Variants in SH2D3C observed in about 807,000 individuals in gnomAD.
SH2D3C encodes the protein SH2 domain containing 3C, also known as SH2 domain-containing protein 3C.
SH2D3C carries 25 observed loss-of-function variants against 75.2 expected under a neutral mutation model. The ratio of observed to expected loss-of-function variants is 0.33; its 90% CI spans 0.24 to 0.46. SH2D3C has a LOEUF of 0.46. Among genes scored for constraint, SH2D3C ranks in the 20% least tolerant of loss-of-function variants. SH2D3C has a pLI of 1.00. For missense variants in SH2D3C, 933 were observed against 1,165.3 expected, an observed-to-expected ratio of 0.80 and a Z score of 2.90; for synonymous variants, 450 against 473.7, an observed-to-expected ratio of 0.95 and a Z score of 0.65.
At chr9:127,771,309 C>CA (rs1365320902) in intron 2 of SH2D3C, 7 of 1,476,878 alleles carry the variant, frequency 4.7e-6, no homozygotes, top group Non-Finnish European at 6.3e-6. Flanking sequence ...CACTGAGCTG[C>CA]AGAGCTCAGT....
At chr9:127,773,283 G>A (rs987386331) in intron 2 of SH2D3C, among the ~76,000 whole-genome samples, 1 of 152,148 alleles carries the variant, frequency 6.6e-6, no homozygotes, top group Non-Finnish European at 1.5e-5. Flanking sequence ...CTAGGTGGAG[G>A]TATTGTCCAG....
At position 127,751,111 on chromosome 9, in the gene SH2D3C, G is replaced by A; in HGVS notation, c.684+61C>T. On this transcript the variant is annotated intron_variant, in intron 4 of 11. Coordinates refer to ENST00000314830, the MANE Select transcript of SH2D3C (RefSeq NM_170600.3). This position sits in a 1 kb window ranked among gnomAD's most constrained non-coding sequence, Gnocchi z 4.1. ...CCCAGGTGGCTGCAGCCAGGGCTGG[G>A]GCTGGCCAAGGCAGTGGGTGGGAGG... 1 of 1,576,298 alleles carries A rather than the reference G, an allele frequency of 6.3e-7. No homozygotes were observed. Among genetic ancestry groups the A allele is most frequent in the Non-Finnish European group, 8.7e-7 (1 of 1,151,512 alleles).
intron 3 of SH2D3C, chr9:127,755,017 C>G (rs1845329557): frequency 7.2e-6 from 6 of 828,978 alleles, no homozygotes; most frequent in Non-Finnish European, 7.7e-6. Context: ...TCTAGGGCCC[C>G]GGGCGGAGCG....
At chr9:127,757,103 AT>A (rs1169901282) in intron 3 of SH2D3C, among the ~76,000 whole-genome samples, 5,652 of 122,616 alleles carry the variant, frequency 0.046, 267 homozygotes, top group African/African-American at 0.13. Flanking sequence ...TGCTTGGCTA[AT>A]TTTTTTTTTT....
intron 2 of SH2D3C, among the ~76,000 whole-genome samples, chr9:127,770,156 C>T (rs938847260): frequency 9.2e-5 from 14 of 152,144 alleles, no homozygotes; most frequent in African/African-American, 2.4e-4. Context: ...CTTTTTTAGC[C>T]AGGGGAGCTA....
intron 2 of SH2D3C, among the ~76,000 whole-genome samples, chr9:127,773,737 G>C (rs1345506216): frequency 1.3e-5 from 2 of 151,934 alleles, no homozygotes. Context: ...GGACAACATG[G>C]TGAAATCCTG....
intron 1 of SH2D3C, among the ~76,000 whole-genome samples, 187 bp downstream of exon 1, chr9:127,778,404 C>T (rs915560915): frequency 1.8e-4 from 28 of 151,758 alleles, no homozygotes; most frequent in African/African-American, 6.3e-4. Flanking sequence ...TGCAGTGAGC[C>T]GAGATTGTGC....
Position 127,744,865 on chromosome 9 carries a change from G to A in SH2D3C, c.1499C>T (p.Pro500Leu). 1 of 1,614,054 alleles carries A rather than the reference G, an allele frequency of 6.2e-7. No homozygotes were observed. The highest frequency in any genetic ancestry group is 8.5e-7 in the Non-Finnish European group (1 of 1,179,986). The change falls in exon 7 of 12, where the codon CCT becomes CTT. Residue 500 changes from proline to leucine, a missense_variant. By Grantham distance (98) the Pro-to-Leu change is moderately conservative (BLOSUM62 -3). Transcript: ENST00000314830. ...CCACTCTCGGCTGCCACGCACGGGAGGCTGGAGCTGGCAGTAGTGGCCAGA... is the reference window on the plus strand; with the variant it reads ...CCACTCTCGGCTGCCACGCACGGGAAGCTGGAGCTGGCAGTAGTGGCCAGA... ...PDSGHYCQLQPPVRGSREWAA... is the reference protein window; with the variant it reads ...PDSGHYCQLQLPVRGSREWAA...
intron 2 of SH2D3C, among the ~76,000 whole-genome samples, chr9:127,771,910 T>C (rs879866804): frequency 3.9e-5 from 6 of 152,198 alleles, no homozygotes; most frequent in Non-Finnish European, 8.8e-5. Flanking sequence ...TGTGTTGAGA[T>C]TTTACAGGTA....
In SH2D3C at chr9:127,739,540, A is replaced by C; in HGVS notation, c.2407+142T>G. The C allele has an allele frequency of 3.1e-6, 2 of 642,082 alleles. No individual in the cohort carries two copies. Among genetic ancestry groups the C allele is most frequent in the Non-Finnish European group, 2.6e-6 (1 of 391,392 alleles). 39.8% of individuals were successfully genotyped at this position (642,082 alleles called of 1,614,324 possible). A position where few individuals can be genotyped will look rare whatever the true frequency, so the allele number is the denominator to read the frequency against. On this transcript the variant is annotated intron_variant, in intron 11 of 11. Coordinates refer to ENST00000314830, the MANE Select transcript of SH2D3C (RefSeq NM_170600.3). The surrounding 1 kb of genome is among the most constrained non-coding windows in gnomAD (Gnocchi z 4.3). ...AAAAAGAAAAAAGAAAAGAAAAGAC[A>C]TGAGAGGAAGGGGTCAGGGAGACAG... is the stretch of plus-strand genomic sequence containing the variant.
At position 127,747,246 on chromosome 9, in the gene SH2D3C, A is replaced by G. The variant is rs1845057479; in HGVS notation, c.1165T>C (p.Ser389Pro). ...ATGCTGAGGGCACAGCTGCGGATGGAGTCCCGAGGGCGGGGCAGCGACGTA... is the reference window on the plus strand; with the variant it reads ...ATGCTGAGGGCACAGCTGCGGATGGGGTCCCGAGGGCGGGGCAGCGACGTA... Reference protein sequence around the residue: ...TSTSLPRPRDSIRSCALSMDQ... With the variant: ...TSTSLPRPRDPIRSCALSMDQ... The change falls in exon 6 of 12, where the codon TCC (serine) becomes CCC (proline). Residue 389 changes from serine to proline, a missense_variant. Physicochemically the swap from Ser to Pro is moderately conservative, Grantham distance 74. Transcript: ENST00000314830. 4 of 1,613,648 alleles carry G rather than the reference A, an allele frequency of 2.5e-6. No individual in the cohort carries two copies. The highest frequency in any genetic ancestry group is 3.4e-6 in the Non-Finnish European group (4 of 1,179,988).
intron 2 of SH2D3C, chr9:127,767,323 G>C: frequency 7.0e-7 from 1 of 1,430,146 alleles, no homozygotes; most frequent in South Asian, 1.5e-5. Flanking sequence ...TAGTGGATGA[G>C]GGAACGCCTG....
rs1845136403 is a variant in SH2D3C at position 127,749,588 on chromosome 9, G to A, written c.762C>T (p.Leu254=). Residue 254 remains leucine, a synonymous_variant, in exon 5 of 12, where the codon CTC becomes CTT. Coordinates refer to ENST00000314830, the MANE Select transcript of SH2D3C (RefSeq NM_170600.3). The surrounding 1 kb of genome is among the most constrained non-coding windows in gnomAD (Gnocchi z 5.9). ...DSLTSLGDYV[L]TCRWRNQALH... Reference sequence around the variant, plus strand: ...AGGCCTGGTTGCGCCAGCGGCACGTGAGCACATAGTCGCCCAGGCTGGTGA... The same window carrying A: ...AGGCCTGGTTGCGCCAGCGGCACGTAAGCACATAGTCGCCCAGGCTGGTGA... The A allele has an allele frequency of 6.2e-7, 1 of 1,606,648 alleles. No individual in the cohort carries two copies. Among genetic ancestry groups the A allele is most frequent in the Non-Finnish European group, 8.5e-7 (1 of 1,176,684 alleles).
At chr9:127,741,009 AG>A (rs1490458532) in intron 9 of SH2D3C, among the ~76,000 whole-genome samples, 1 of 152,040 alleles carries the variant, frequency 6.6e-6, no homozygotes, top group Non-Finnish European at 1.5e-5. Flanking sequence ...TAGGAGAGGC[AG>A]GCTCAGCTCT....
At chr9:127,755,355 G>A in intron 3 of SH2D3C, 2 of 477,690 alleles carry the variant, frequency 4.2e-6, no homozygotes, top group East Asian at 4.5e-5. Context: ...GAGGGGAGGG[G>A]GCCATTGTTC....
rs879215730 is a variant in SH2D3C, at chr9:127,749,738, G to A, written c.685-73C>T. 91 of 962,834 alleles carry A rather than the reference G, an allele frequency of 9.5e-5. No homozygotes were observed. The South Asian group carries it at 1.3e-3, about 14-fold the overall frequency. The allele number at this position is 962,834 out of a possible 1,614,324, so 59.6% of individuals were successfully genotyped here. A position where few individuals can be genotyped will look rare whatever the true frequency, so the allele number is the denominator to read the frequency against. ...TCAGACCCAGGATCTGGGGGACAGA[G>A]CAACCCAGGATTAGGGGGCACAGCA... On this transcript the variant is annotated intron_variant, in intron 4 of 11. Coordinates refer to ENST00000314830, the MANE Select transcript of SH2D3C (RefSeq NM_170600.3). This position sits in a 1 kb window ranked among gnomAD's most constrained non-coding sequence, Gnocchi z 5.9.
intron 1 of SH2D3C, among the ~76,000 whole-genome samples, chr9:127,777,116 C>G (rs1209723058): frequency 6.6e-6 from 1 of 151,476 alleles, no homozygotes; most frequent in East Asian, 1.9e-4. Flanking sequence ...GCGTTGCCAT[C>G]TGGGAAATGC....
chr9:127,756,640 CTTT>C (rs573247009), intron 3 of SH2D3C, among the ~76,000 whole-genome samples: 5 of 93,866 alleles, frequency 5.3e-5, no homozygotes, highest in African/African-American at 8.7e-5. Flanking sequence ...TAGGAGGGGG[CTTT>C]TTTTTTTTTT....
In SH2D3C at chr9:127,749,226, T is replaced by C. The variant is rs1845122325; in HGVS notation, c.1124A>G (p.Asp375Gly). The change falls in exon 5 of 12, where the codon GAT (aspartate) becomes GGT (glycine). Residue 375 changes from aspartate (D) to glycine (G), a missense_variant. Physicochemically the swap from Asp to Gly is moderately conservative, Grantham distance 94. Coordinates refer to ENST00000314830, the MANE Select transcript of SH2D3C (RefSeq NM_170600.3). This position sits in a 1 kb window ranked among gnomAD's most constrained non-coding sequence, Gnocchi z 5.9. ...GLTADKVTRS[D>G]GCPTSTSLPR... is the part of the protein sequence containing the mutation. ...CCTGGCTGACCTGGTGGGGCAGCCA[T>C]CGCTGCGGGTGACCTTGTCAGCAGT... 1 of 1,558,546 alleles carries C rather than the reference T, an allele frequency of 6.4e-7. No homozygotes were observed. Among genetic ancestry groups the C allele is most frequent in the Non-Finnish European group, 8.7e-7 (1 of 1,150,118 alleles).
Sources: allele counts gnomAD v4.1 joint callset (sites outside exome capture counted in the v4.1 genomes callset), GRCh38; gene constraint gnomAD v4.1.1; non-coding constraint Gnocchi (gnomAD v3.1); transcripts MANE v1.5; gene names NCBI Gene and HGNC (gene_info 2026-07-23, HGNC 2026-07-21).